Variants in UNC79 observed in about 807,000 individuals in gnomAD.
The protein encoded by UNC79 is unc-79 subunit of NALCN channel complex.
UNC79 carries 37 observed loss-of-function variants against 283.1 expected under a neutral mutation model. That is an observed-to-expected ratio of 0.13 (90% CI 0.10 to 0.17). UNC79 has a LOEUF of 0.17. Among genes scored for constraint, UNC79 ranks in the 10% least tolerant of loss-of-function variants. UNC79 has a pLI of 1.00. For missense variants in UNC79, 2,272 were observed against 3,211.1 expected, an observed-to-expected ratio of 0.71 and a Z score of 7.07; for synonymous variants, 1,107 against 1,200.2, an observed-to-expected ratio of 0.92 and a Z score of 1.61.
At chr14:93,622,290 A>G in exon 30 of UNC79, 1 of 1,614,160 alleles carries the variant, frequency 6.2e-7, no homozygotes, top group East Asian at 2.2e-5. Context: ...CCGCTTGTAC[A>G]AGTAAGTGTG....
chr14:93,468,481 C>G (rs1284245806), intron 2 of UNC79, among the ~76,000 whole-genome samples: 1 of 152,170 alleles, frequency 6.6e-6, no homozygotes, highest in Admixed American at 6.5e-5. Flanking sequence ...CCATTAAATT[C>G]CAAGATGTGG....
chr14:93,369,923 G>A (rs72708599), intron 1 of UNC79, among the ~76,000 whole-genome samples: 9,896 of 152,236 alleles, frequency 0.065, 461 homozygotes, highest in Middle Eastern at 0.12. Context: ...TGTGGGAGAA[G>A]GGAAATAACC....
intron 16 of UNC79, among the ~76,000 whole-genome samples, chr14:93,574,091 T>G (rs2063345673): frequency 6.6e-6 from 1 of 152,262 alleles, no homozygotes. Context: ...AAGGTAATTC[T>G]CCTTTTAAGA....
chr14:93,595,761 G>A (rs1480143032), intron 23 of UNC79, among the ~76,000 whole-genome samples: 2 of 152,048 alleles, frequency 1.3e-5, no homozygotes, highest in African/African-American at 2.4e-5. Flanking sequence ...CCACACTAGA[G>A]GCATTTACAG....
At chr14:93,544,944 C>A (rs142482622) in intron 14 of UNC79, among the ~76,000 whole-genome samples, 25 of 152,126 alleles carry the variant, frequency 1.6e-4, no homozygotes, top group African/African-American at 5.8e-4. Context: ...GCAATAAGTC[C>A]TTTGAATTTT....
intron 40 of UNC79, among the ~76,000 whole-genome samples, chr14:93,671,559 G>A (rs1475400183): frequency 6.6e-6 from 1 of 152,140 alleles, no homozygotes; most frequent in Non-Finnish European, 1.5e-5. Context: ...GATCACCTGA[G>A]ATTGGGAGTA....
At chr14:93,403,872 CTT>C (rs35901461) in intron 1 of UNC79, among the ~76,000 whole-genome samples, 23 of 137,646 alleles carry the variant, frequency 1.7e-4, no homozygotes, top group Admixed American at 2.2e-4. Context: ...GAGCTAGACT[CTT>C]TTTTTTTTTT....
intron 41 of UNC79, among the ~76,000 whole-genome samples, chr14:93,676,278 T>C (rs1291434279): frequency 1.3e-5 from 2 of 152,258 alleles, no homozygotes; most frequent in African/African-American, 2.4e-5. Context: ...CAGGCTGGTC[T>C]TGAACTCCTG....
intron 47 of UNC79, among the ~76,000 whole-genome samples, chr14:93,703,798 G>A (rs760870412): frequency 9.9e-5 from 15 of 152,188 alleles, no homozygotes; most frequent in African/African-American, 3.1e-4. Context: ...CTATTGGATC[G>A]GAGTCCCCCT....
intron 37 of UNC79, among the ~76,000 whole-genome samples, 194 bp downstream of exon 40, chr14:93,654,219 A>G (rs1242286508): frequency 6.6e-6 from 1 of 152,186 alleles, no homozygotes; most frequent in Non-Finnish European, 1.5e-5. Context: ...GGCTGAGTGC[A>G]GTGGCTCATG....
At chr14:93,685,742 G>C (rs756232483) in intron 42 of UNC79, among the ~76,000 whole-genome samples, 48 of 152,276 alleles carry the variant, frequency 3.2e-4, no homozygotes, top group Middle Eastern at 6.8e-3. Context: ...ATGATACCCA[G>C]CCTGATGTGT....
At chr14:93,475,252 T>A (rs1276577549) in intron 3 of UNC79, among the ~76,000 whole-genome samples, 1 of 152,204 alleles carries the variant, frequency 6.6e-6, no homozygotes, top group African/African-American at 2.4e-5. Flanking sequence ...AAAACTCTGA[T>A]AATTTGGTCC....
chr14:93,334,501 T>G (rs1473991174), intron 1 of UNC79: 1 of 152,204 alleles, frequency 6.6e-6, no homozygotes, highest in East Asian at 1.9e-4. Flanking sequence ...AATAGGTCCA[T>G]CTAATTGGAG....
chr14:93,464,465 C>T (rs913695563), intron 1 of UNC79: 1 of 453,946 alleles, frequency 2.2e-6, no homozygotes, highest in African/African-American at 2.0e-5. Context: ...TTAGGGTCCA[C>T]CACGGAAACG....
intron 1 of UNC79, among the ~76,000 whole-genome samples, chr14:93,457,273 A>G (rs1035856647): frequency 3.9e-5 from 6 of 152,252 alleles, no homozygotes; most frequent in Non-Finnish European, 7.3e-5. Context: ...AGGTTCTAGT[A>G]GCCTAGTGGA....
chr14:93,591,193 A>G (rs1327621078), intron 22 of UNC79, among the ~76,000 whole-genome samples: 3 of 152,120 alleles, frequency 2.0e-5, no homozygotes, highest in Non-Finnish European at 2.9e-5. Flanking sequence ...AAAACAGCCA[A>G]CTGGAGTGGC....
chr14:93,371,702 G>C (rs1021231173), intron 1 of UNC79, among the ~76,000 whole-genome samples: 2 of 150,888 alleles, frequency 1.3e-5, no homozygotes. Flanking sequence ...TTAGCCGGGC[G>C]TGGTGGCGGG....
At chr14:93,561,770 G>A (rs538196538) in intron 14 of UNC79, among the ~76,000 whole-genome samples, 5 of 152,270 alleles carry the variant, frequency 3.3e-5, no homozygotes, top group East Asian at 3.9e-4. Context: ...TAAGAGTGGC[G>A]GTTTGGGGAT....
At chr14:93,404,845 A>G (rs1361478557) in intron 1 of UNC79, among the ~76,000 whole-genome samples, 1 of 152,044 alleles carries the variant, frequency 6.6e-6, no homozygotes, top group Admixed American at 6.6e-5. Context: ...ACAAACATAA[A>G]GGGATGGAAA....
Sources: allele counts gnomAD v4.1 joint callset (sites outside exome capture counted in the v4.1 genomes callset), GRCh38; gene constraint gnomAD v4.1.1; transcripts MANE v1.5; gene names NCBI Gene and HGNC (gene_info 2026-07-23, HGNC 2026-07-21).